The following LARP4 variants were observed in gnomAD, a reference collection of about 807,000 sequenced individuals.
LARP4 encodes La ribonucleoprotein 4.
Under a neutral mutation model 92.9 loss-of-function variants are expected in LARP4, and 29 were observed. The observed-to-expected ratio is 0.31, with a 90% CI of 0.23 to 0.43. The LOEUF (loss-of-function observed/expected upper bound fraction) is 0.43, where lower values mean the gene tolerates loss of function less well. LARP4 is among the 20% of genes least tolerant of loss of function. The pLI is 1.00. For synonymous variants in LARP4, 279 were observed against 284.1 expected (o/e 0.98, Z 0.18); for missense variants, 732 against 860.0 (o/e 0.85, Z 1.86).
rs977938850 is a variant in LARP4 at position 50,476,403 on chromosome 12, C to T, written c.*539C>T. On this transcript the variant is annotated 3_prime_UTR_variant, in exon 16 of 16. Coordinates refer to ENST00000398473, the MANE Select transcript of LARP4 (RefSeq NM_052879.5). ...TGCCTGTTGTGGGTGTGAGTGTGTA[C>T]AAGAGCGATTGAAGCCAAATCTGTT... The T allele has an allele frequency of 9.8e-5, 15 of 152,460 alleles. No individual in the cohort carries two copies. The highest frequency in any genetic ancestry group is 3.6e-4 in the African/African-American group (15 of 41,462). 9.4% of individuals were successfully genotyped at this position (152,460 alleles called of 1,614,324 possible).
In LARP4 at chr12:50,447,930, C is replaced by T. The variant is rs1202910992; in HGVS notation, c.805-5530C>T. On this transcript the variant is annotated intron_variant, in intron 8 of 15. Transcript: ENST00000398473. ...TTGCCCAGGCTGGACTGCAGTGACG[C>T]AATCTCAGCACATGGCAACCTCTGC... 5.9e-5 allele frequency among the ~76,000 whole-genome samples: 9 copies of T among 152,144 alleles called. 1 individual carries two copies. Among genetic ancestry groups the T allele is most frequent in the Admixed American group, 4.6e-4 (7 of 15,278 alleles).
chr12:50,417,537 A>AT (rs1356107942), intron 1 of LARP4, among the ~76,000 whole-genome samples: 4 of 152,146 alleles, frequency 2.6e-5, no homozygotes, highest in South Asian at 4.1e-4. Context: ...AGATGTTGCT[A>AT]TAGTTATTCA....
At chr12:50,419,474 C>T (rs1418783897) in intron 1 of LARP4, among the ~76,000 whole-genome samples, 5 of 152,180 alleles carry the variant, frequency 3.3e-5, no homozygotes, top group African/African-American at 1.2e-4. Context: ...ACCACAGATC[C>T]TCTTTGATAC....
chr12:50,470,063 T>TA (rs879305058), intron 13 of LARP4, among the ~76,000 whole-genome samples: 428 of 136,868 alleles, frequency 3.1e-3, no homozygotes, highest in African/African-American at 9.5e-3. Context: ...GTACATAAAG[T>TA]AAAAAAAAAA....
chr12:50,453,422 A>G lies in LARP4; in HGVS notation c.805-38A>G, dbSNP rs780465651. ...ATTAAATGTATTTTTTAAAATATACACTTAATTCTTTGTTGCTATAATGTG... is the reference window on the plus strand; with the variant it reads ...ATTAAATGTATTTTTTAAAATATACGCTTAATTCTTTGTTGCTATAATGTG... On this transcript the variant is annotated intron_variant, in intron 8 of 15. Coordinates refer to ENST00000398473, the MANE Select transcript of LARP4 (RefSeq NM_052879.5). 5.2e-5 allele frequency: 62 copies of G among 1,181,458 alleles called. No individual in the cohort carries two copies. In the East Asian group the frequency reaches 1.4e-3, roughly 26 times the overall value. 73.2% of individuals were successfully genotyped at this position (1,181,458 alleles called of 1,614,324 possible). A position where few individuals can be genotyped will look rare whatever the true frequency, so the allele number is the denominator to read the frequency against.
At chr12:50,446,618 AG>A (rs1268953621) in intron 8 of LARP4, among the ~76,000 whole-genome samples, 1 of 146,490 alleles carries the variant, frequency 6.8e-6, no homozygotes, top group Non-Finnish European at 1.5e-5. Flanking sequence ...TAGTAGAGAC[AG>A]GGTTTCACTA....
At chr12:50,447,721 T>C (rs1952444314) in intron 8 of LARP4, among the ~76,000 whole-genome samples, 1 of 152,084 alleles carries the variant, frequency 6.6e-6, no homozygotes, top group African/African-American at 2.4e-5. Flanking sequence ...TTTGTTTGTT[T>C]GTTTGTTTTT....
chr12:50,422,371 C>A (rs1947950121), intron 1 of LARP4, among the ~76,000 whole-genome samples: 1 of 152,186 alleles, frequency 6.6e-6, no homozygotes, highest in South Asian at 2.1e-4. Flanking sequence ...ATAGCAGTTA[C>A]AGCTGTTTTT....
chr12:50,410,408 C>CTT (rs200457985), intron 1 of LARP4, among the ~76,000 whole-genome samples: 25 of 132,986 alleles, frequency 1.9e-4, no homozygotes, highest in East Asian at 6.6e-4. Context: ...GATTCTTTAT[C>CTT]TTTTTTTTTT....
chr12:50,435,749 C>T, intron 5 of LARP4, 125 bp downstream of exon 5: 1 of 696,444 alleles, frequency 1.4e-6, no homozygotes, highest in Non-Finnish European at 2.3e-6. Context: ...TTGTTTTGTT[C>T]CGAATTCTCT....
At chr12:50,451,131 A>G (rs2138167440) in intron 8 of LARP4, among the ~76,000 whole-genome samples, 1 of 152,336 alleles carries the variant, frequency 6.6e-6, no homozygotes, top group Admixed American at 6.5e-5. Flanking sequence ...ATTACATAAT[A>G]CATTATTATT....
At chr12:50,411,712 G>C (rs1367326425) in intron 1 of LARP4, among the ~76,000 whole-genome samples, 1 of 151,468 alleles carries the variant, frequency 6.6e-6, no homozygotes, top group Non-Finnish European at 1.5e-5. Context: ...ATGGAGTCTC[G>C]CTCTGTTGCC....
At chr12:50,403,519 T>TA (rs2136196788) in intron 1 of LARP4, among the ~76,000 whole-genome samples, 2 of 152,352 alleles carry the variant, frequency 1.3e-5, no homozygotes, top group South Asian at 4.1e-4. Context: ...CGTTTCAATA[T>TA]AATTGGTTTA....
rs770566521 is a variant in LARP4 at position 50,400,895 on chromosome 12, A to C, written c.-116A>C. ...TGACGGCAGGGGAGGAGCCGGGTCC[A>C]CTGCCGGGTGGAGGGGCAAGGCGAG... On this transcript the variant is annotated 5_prime_UTR_variant, in exon 1 of 16. Transcript: ENST00000398473. 2 of 1,425,790 alleles carry C rather than the reference A, an allele frequency of 1.4e-6. No individual in the cohort carries two copies. The highest frequency in any genetic ancestry group is 2.0e-6 in the Non-Finnish European group (2 of 1,008,430). 88.3% of individuals were successfully genotyped at this position (1,425,790 alleles called of 1,614,324 possible).
intron 1 of LARP4, among the ~76,000 whole-genome samples, chr12:50,409,548 G>A (rs1945458995): frequency 6.6e-6 from 1 of 151,978 alleles, no homozygotes. Context: ...ATCACTTGAG[G>A]TCAGGAGTTT....
intron 1 of LARP4, among the ~76,000 whole-genome samples, chr12:50,411,928 C>T (rs1945980833): frequency 6.6e-6 from 1 of 152,162 alleles, no homozygotes; most frequent in South Asian, 2.1e-4. Flanking sequence ...GGTGATCCAC[C>T]CGCCTTGGCC....
chr12:50,463,697 C>T (rs1013164462), intron 12 of LARP4, among the ~76,000 whole-genome samples: 8 of 152,154 alleles, frequency 5.3e-5, no homozygotes, highest in African/African-American at 1.9e-4. Context: ...TTTGGCTTTG[C>T]AGGGATCAAC....
chr12:50,412,820 G>A (rs79106112), intron 1 of LARP4, among the ~76,000 whole-genome samples: 16,523 of 152,174 alleles, frequency 0.11, 1,769 homozygotes, highest in East Asian at 0.45. Flanking sequence ...CATTTGGACA[G>A]TTTACATCGT....
Position 50,427,879 on chromosome 12 carries a change from A to G in LARP4, c.136A>G (p.Ile46Val), listed in dbSNP as rs781628490. 1 of 1,599,290 alleles carries G rather than the reference A, an allele frequency of 6.3e-7. No homozygotes were observed. The highest frequency in any genetic ancestry group is 2.2e-5 in the East Asian group (1 of 44,776). The change falls in exon 2 of 16, where the codon ATA becomes GTA. Residue 46 changes from isoleucine to valine, a missense_variant. Around this residue, in one of 7 missense-constraint regions of LARP4, gnomAD observed 236 missense variants for 307.6 expected, o/e 0.77. Transcript: ENST00000398473. ...TGGAACTGAAAGCTCTTGGCATGAAATAGCAGCTACATCAGGTGCTCATCC... is the reference window on the plus strand; with the variant it reads ...TGGAACTGAAAGCTCTTGGCATGAAGTAGCAGCTACATCAGGTGCTCATCC... ...THGTESSWHE[I>V]AATSGAHPEG... is the part of the protein sequence containing the mutation.
Sources: allele counts gnomAD v4.1 joint callset (sites outside exome capture counted in the v4.1 genomes callset), GRCh38; gene constraint gnomAD v4.1.1; regional missense constraint gnomAD v4.1.1; transcripts MANE v1.5; gene names NCBI Gene and HGNC (gene_info 2026-07-23, HGNC 2026-07-21).